ARHGAP39: variants seen among roughly 807,000 people sequenced by gnomAD.
ARHGAP39 encodes the protein Rho GTPase activating protein 39.
In ARHGAP39, 44 loss-of-function variants were observed where a neutral mutation model predicts 106.9. The ratio of observed to expected loss-of-function variants is 0.41; its 90% CI spans 0.32 to 0.53. ARHGAP39 has a LOEUF of 0.53. Ranked by LOEUF, ARHGAP39 falls within the 20% of genes least tolerant of loss-of-function variation. The pLI, the probability that ARHGAP39 is intolerant of heterozygous loss-of-function variation, is 0.21. For missense variants in ARHGAP39, 1,496 were observed against 1,577.3 expected, an observed-to-expected ratio of 0.95 and a Z score of 0.87; for synonymous variants, 768 against 693.2, an observed-to-expected ratio of 1.11 and a Z score of -1.69.
Position 144,571,313 on chromosome 8 carries a change from A to G in ARHGAP39, c.512+9533T>C, listed in dbSNP as rs571546823. Among the ~76,000 whole-genome samples the G allele has an allele frequency of 3.1e-4, 47 of 152,364 alleles. 1 individual carries two copies. The South Asian group carries it at 9.7e-3, about 32-fold the overall frequency. On this transcript the variant is annotated intron_variant, in intron 3 of 11. Transcript: ENST00000377307. ...CAAGTCAGCTTCATCCCTGGGATGCAAGGCTGGTTCAACATACGCAAATCA... is the reference window on the plus strand; with the variant it reads ...CAAGTCAGCTTCATCCCTGGGATGCGAGGCTGGTTCAACATACGCAAATCA...
chr8:144,560,430 G>A (rs1440094281), intron 3 of ARHGAP39, among the ~76,000 whole-genome samples: 4 of 152,108 alleles, frequency 2.6e-5, no homozygotes, highest in East Asian at 1.9e-4. Context: ...ACGAGACTCC[G>A]TCTCAAAAAA....
At chr8:144,683,414 C>G (rs1822481895) in intron 1 of ARHGAP39, 1 of 148,324 alleles carries the variant, frequency 6.7e-6, no homozygotes, top group Non-Finnish European at 1.5e-5. Context: ...GTGGCACAAT[C>G]TTGGCTCACT....
chr8:144,616,590 T>C (rs1586616912), intron 1 of ARHGAP39, among the ~76,000 whole-genome samples: 1 of 152,260 alleles, frequency 6.6e-6, no homozygotes, highest in East Asian at 1.9e-4. Flanking sequence ...TGAGTGTTGC[T>C]GACTCTGAGC....
chr8:144,580,202 T>C (rs1818919423), intron 3 of ARHGAP39, among the ~76,000 whole-genome samples: 3 of 151,768 alleles, frequency 2.0e-5, no homozygotes, highest in Admixed American at 2.0e-4. Context: ...TCGGAGCCAC[T>C]GTGACTCCAG....
intron 1 of ARHGAP39, among the ~76,000 whole-genome samples, chr8:144,676,234 G>C (rs1011160578): frequency 6.6e-6 from 1 of 152,274 alleles, no homozygotes; most frequent in African/African-American, 2.4e-5. Flanking sequence ...ATTTTACACA[G>C]AGCTGATTGG....
intron 3 of ARHGAP39, among the ~76,000 whole-genome samples, chr8:144,572,618 T>C (rs1292160952): frequency 1.3e-5 from 2 of 152,094 alleles, no homozygotes; most frequent in Non-Finnish European, 2.9e-5. Flanking sequence ...AAAGCCAAAA[T>C]AGATAAATGG....
intron 2 of ARHGAP39, among the ~76,000 whole-genome samples, chr8:144,593,155 C>T (rs1169083738): frequency 3.9e-5 from 6 of 152,172 alleles, no homozygotes; most frequent in Non-Finnish European, 4.4e-5. Flanking sequence ...CTTCCTGCAG[C>T]CCCTGTTTCT....
In ARHGAP39 at chr8:144,581,205, G is replaced by C; in HGVS notation, c.153C>G (p.Cys51Trp). 1 of 1,556,992 alleles carries C rather than the reference G, an allele frequency of 6.4e-7. No homozygotes were observed. Among genetic ancestry groups the C allele is most frequent in the Non-Finnish European group, 8.7e-7 (1 of 1,151,014 alleles). The change falls in exon 3 of 12, where the codon TGC becomes TGG. Residue 51 changes from cysteine to tryptophan, a missense_variant. By Grantham distance (215) the Cys-to-Trp change is radical. Transcript: ENST00000377307. ...RMYANLVTGECVWDPPAGVRI... is the reference protein window; with the variant it reads ...RMYANLVTGEWVWDPPAGVRI... ...GGACGCCGGCCGGCGGGTCCCACACGCACTCACCGGTGACCAGGTTGGCGT... is the reference window on the plus strand; with the variant it reads ...GGACGCCGGCCGGCGGGTCCCACACCCACTCACCGGTGACCAGGTTGGCGT...
rs116240590 is a variant in ARHGAP39 at position 144,670,808 on chromosome 8, T to C, written c.-82+14878A>G. On this transcript the variant is annotated intron_variant, in intron 1 of 11. Coordinates refer to ENST00000377307, the MANE Select transcript of ARHGAP39 (RefSeq NM_025251.3). This position sits in a 1 kb window ranked among gnomAD's most constrained non-coding sequence, Gnocchi z 4.4. The stretch of plus-strand genomic sequence containing the variant: ...ACACACCGCAGCTGCCAACTGTGTG[T>C]ATCTGTTTCCTGCACTAGACTCTGA... Among the ~76,000 whole-genome samples, 624 of 152,284 alleles carry C rather than the reference T, an allele frequency of 4.1e-3. 4 individuals carry two copies. The highest frequency in any genetic ancestry group is 0.015 in the African/African-American group (603 of 41,546).
intron 6 of ARHGAP39, among the ~76,000 whole-genome samples, chr8:144,544,327 C>T (rs1373780662): frequency 6.6e-6 from 1 of 152,190 alleles, no homozygotes; most frequent in African/African-American, 2.4e-5. Flanking sequence ...GAGCCACCTC[C>T]TCCACACCTG....
chr8:144,680,176 A>C (rs887692809), intron 1 of ARHGAP39, among the ~76,000 whole-genome samples: 2 of 152,082 alleles, frequency 1.3e-5, no homozygotes, highest in African/African-American at 4.8e-5. Context: ...TTCCCTCTTC[A>C]TATCCCACTG....
intron 1 of ARHGAP39, among the ~76,000 whole-genome samples, chr8:144,655,333 A>C (rs1586640108): frequency 6.6e-6 from 1 of 152,298 alleles, no homozygotes; most frequent in African/African-American, 2.4e-5. Flanking sequence ...CTGAGCAGAA[A>C]ACAGGACAAC....
intron 1 of ARHGAP39, among the ~76,000 whole-genome samples, chr8:144,650,984 T>C (rs1480282070): frequency 6.6e-6 from 1 of 152,206 alleles, no homozygotes; most frequent in African/African-American, 2.4e-5. Flanking sequence ...GACATGATTG[T>C]ATATCTAGAA....
At chr8:144,592,748 T>C (rs1389097343) in intron 2 of ARHGAP39, among the ~76,000 whole-genome samples, 2 of 152,152 alleles carry the variant, frequency 1.3e-5, no homozygotes, top group Non-Finnish European at 2.9e-5. Flanking sequence ...CTTGGGGAGC[T>C]GCTGCTCAGA....
chr8:144,554,911 C>T (rs1453105449), intron 4 of ARHGAP39, among the ~76,000 whole-genome samples: 1 of 152,262 alleles, frequency 6.6e-6, no homozygotes, highest in Non-Finnish European at 1.5e-5. Context: ...CTCCCCAGCA[C>T]CACAGTGCCC....
At chr8:144,588,829 C>T (rs938265133) in intron 2 of ARHGAP39, among the ~76,000 whole-genome samples, 76 of 152,272 alleles carry the variant, frequency 5.0e-4, no homozygotes, top group Admixed American at 2.6e-4. Flanking sequence ...GAGAGCAGCA[C>T]GCCGCCTCTG....
At chr8:144,574,660 C>A (rs1818708509) in intron 3 of ARHGAP39, among the ~76,000 whole-genome samples, 1 of 151,998 alleles carries the variant, frequency 6.6e-6, no homozygotes, top group African/African-American at 2.4e-5. Flanking sequence ...GGCGACAGAG[C>A]GAGACTCCGT....
chr8:144,605,808 G>A (rs1563704271), intron 1 of ARHGAP39, 113 bp from the exon 2 acceptor site: 3 of 607,964 alleles, frequency 4.9e-6, no homozygotes, highest in South Asian at 3.9e-5. Context: ...GGACTCCACG[G>A]CACCCGTGAG....
chr8:144,686,179 G>A (rs552036143), upstream of ARHGAP39, among the ~76,000 whole-genome samples: 1 of 152,178 alleles, frequency 6.6e-6, no homozygotes, highest in Non-Finnish European at 1.5e-5. Flanking sequence ...ACCACGTTGG[G>A]CTTCCCGAGT....
Sources: allele counts gnomAD v4.1 joint callset (sites outside exome capture counted in the v4.1 genomes callset), GRCh38; gene constraint gnomAD v4.1.1; non-coding constraint Gnocchi (gnomAD v3.1); transcripts MANE v1.5; gene names NCBI Gene and HGNC (gene_info 2026-07-23, HGNC 2026-07-21).